STAMBPL1: variants seen among roughly 807,000 people sequenced by gnomAD.
STAMBPL1 encodes AMSH-like protease.
Under a neutral mutation model 52.9 loss-of-function variants are expected in STAMBPL1, and 44 were observed. The ratio of observed to expected loss-of-function variants is 0.83; its 90% confidence interval spans 0.65 to 1.07. The LOEUF (loss-of-function observed/expected upper bound fraction) is 1.07. Ranked by LOEUF, STAMBPL1 falls within the 50% of genes least tolerant of loss-of-function variation. STAMBPL1 has a pLI of 0.00. For missense variants in STAMBPL1, 511 were observed against 520.8 expected, an observed-to-expected ratio of 0.98 and a Z score of 0.18; for synonymous variants, 164 against 177.3, an observed-to-expected ratio of 0.92 and a Z score of 0.60.
chr10:88,922,480 A>G (rs371814726), intron 10 of STAMBPL1, 44 bp downstream of exon 10: 78 of 1,559,498 alleles, frequency 5.0e-5, no homozygotes, highest in Middle Eastern at 3.4e-4. Flanking sequence ...TTTCTTGTTC[A>G]CTGCCCCCCC....
chr10:88,921,194 TA>T (rs139970435), intron 8 of STAMBPL1, 88 bp from the exon 9 acceptor site: 151 of 990,292 alleles, frequency 1.5e-4, no homozygotes, highest in Middle Eastern at 2.2e-4. Flanking sequence ...TGGTAAAAAC[TA>T]AAAAAAAACA....
At chr10:88,886,202 A>G (rs1313213046) in intron 1 of STAMBPL1, among the ~76,000 whole-genome samples, 1 of 152,258 alleles carries the variant, frequency 6.6e-6, no homozygotes, top group Non-Finnish European at 1.5e-5. Flanking sequence ...TCATCTGGGT[A>G]CTAATTTTAC....
intron 1 of STAMBPL1, among the ~76,000 whole-genome samples, chr10:88,886,657 A>T (rs1386865517): frequency 6.6e-6 from 1 of 152,130 alleles, no homozygotes; most frequent in Non-Finnish European, 1.5e-5. Flanking sequence ...GTGTGATTTG[A>T]TGCTTCTCTG....
chr10:88,901,679 T>C lies in STAMBPL1; in HGVS notation c.-30T>C, dbSNP rs184154094. 1.5e-3 allele frequency: 2,485 copies of C among 1,604,330 alleles called. 7 individuals carry two copies. Among genetic ancestry groups the C allele is most frequent in the South Asian group, 2.3e-3 (204 of 89,150 alleles). ...AGATGAAGTGATTGAGAAGAAACAG[T>C]GAACATCCTCATTTCACAGATAAGA... On this transcript the variant is annotated 5_prime_UTR_variant, in exon 2 of 11. Coordinates refer to ENST00000371926, the MANE Select transcript of STAMBPL1 (RefSeq NM_020799.4).
At chr10:88,919,449 T>C (rs930048997) in intron 8 of STAMBPL1, among the ~76,000 whole-genome samples, 4 of 152,166 alleles carry the variant, frequency 2.6e-5, no homozygotes, top group Non-Finnish European at 5.9e-5. Context: ...CATAATTCCT[T>C]TTGGTAGAAA....
At chr10:88,893,193 C>G (rs1299547160) in intron 1 of STAMBPL1, among the ~76,000 whole-genome samples, 5 of 152,148 alleles carry the variant, frequency 3.3e-5, no homozygotes, top group Non-Finnish European at 5.9e-5. Context: ...CTCTCTCCAG[C>G]ACCTCAAATT....
chr10:88,900,138 G>C (rs1007736419), intron 1 of STAMBPL1, among the ~76,000 whole-genome samples: 1 of 152,166 alleles, frequency 6.6e-6, no homozygotes, highest in Non-Finnish European at 1.5e-5. Flanking sequence ...GGAAAGACTG[G>C]AATACAAGAG....
chr10:88,888,128 T>C (rs1286226341), intron 1 of STAMBPL1, among the ~76,000 whole-genome samples: 2 of 152,162 alleles, frequency 1.3e-5, no homozygotes, highest in African/African-American at 4.8e-5. Context: ...AGAGATAATG[T>C]ACATTCTTCT....
chr10:88,903,583 T>TC (rs1844999974), intron 2 of STAMBPL1, among the ~76,000 whole-genome samples: 1 of 152,226 alleles, frequency 6.6e-6, no homozygotes, highest in Non-Finnish European at 1.5e-5. Context: ...TAGAGAACAT[T>TC]CTGATTTTCA....
intron 1 of STAMBPL1, 197 bp from the exon 2 acceptor site, chr10:88,901,459 C>G (rs539118894): frequency 2.8e-6 from 1 of 362,932 alleles, no homozygotes; most frequent in African/African-American, 2.1e-5. Context: ...TTTTAAAGAT[C>G]AGCTTCAGGA....
At chr10:88,919,113 A>G (rs1384855222) in intron 8 of STAMBPL1, among the ~76,000 whole-genome samples, 1 of 152,200 alleles carries the variant, frequency 6.6e-6, no homozygotes, top group South Asian at 2.1e-4. Context: ...TAGTCATAGG[A>G]ATAAAAGGTC....
At chr10:88,899,550 C>A (rs1212838964) in intron 1 of STAMBPL1, among the ~76,000 whole-genome samples, 1 of 152,160 alleles carries the variant, frequency 6.6e-6, no homozygotes, top group Non-Finnish European at 1.5e-5. Flanking sequence ...CGCTCTGTCA[C>A]CCAGGCTAGA....
chr10:88,901,614 C>G (rs1844944607), intron 1 of STAMBPL1, 42 bp from the exon 2 acceptor site: 2 of 1,362,640 alleles, frequency 1.5e-6, no homozygotes, highest in Non-Finnish European at 2.0e-6. Flanking sequence ...AAACTTGGGT[C>G]TCAAAAAATA....
chr10:88,918,687 A>G (rs1438128792), intron 8 of STAMBPL1, among the ~76,000 whole-genome samples: 1 of 152,228 alleles, frequency 6.6e-6, no homozygotes, highest in Non-Finnish European at 1.5e-5. Flanking sequence ...TGATTTCTAT[A>G]AAAAGAATGC....
intron 5 of STAMBPL1, 55 bp downstream of exon 5, chr10:88,911,066 G>T (rs1229323487): frequency 8.3e-7 from 1 of 1,199,076 alleles, no homozygotes; most frequent in East Asian, 2.7e-5. Context: ...AGTATTTTTT[G>T]AATTTCATTT....
intron 1 of STAMBPL1, among the ~76,000 whole-genome samples, chr10:88,900,612 A>G (rs978383907): frequency 1.3e-5 from 2 of 152,210 alleles, no homozygotes; most frequent in Admixed American, 6.5e-5. Context: ...GAACAACCAC[A>G]TGATGTAGGA....
chr10:88,922,517 G>A (rs546277615), intron 10 of STAMBPL1, 81 bp downstream of exon 10: 25 of 1,309,450 alleles, frequency 1.9e-5, no homozygotes, highest in Non-Finnish European at 2.4e-5. Flanking sequence ...AATAGTAGCA[G>A]TCTAATATAA....
Position 88,913,020 on chromosome 10 carries a change from T to C in STAMBPL1, c.421-81T>C, listed in dbSNP as rs554424810. On this transcript the variant is annotated intron_variant, in intron 5 of 10. Transcript: ENST00000371926. ...AGTATCTAGCATTTTCTCTGTCTGC[T>C]TGAAGACTGAAAATGTCTAATTCCA... is the stretch of plus-strand genomic sequence containing the variant. 30 of 1,209,592 alleles carry C rather than the reference T, an allele frequency of 2.5e-5. No individual in the cohort carries two copies. In the South Asian group the frequency reaches 4.1e-4, roughly 17 times the overall value. The allele number at this position is 1,209,592 out of a possible 1,614,324, so 74.9% of individuals were successfully genotyped here.
At chr10:88,889,645 TTA>T (rs1844627560) in intron 1 of STAMBPL1, among the ~76,000 whole-genome samples, 1 of 152,230 alleles carries the variant, frequency 6.6e-6, no homozygotes, top group Non-Finnish European at 1.5e-5. Flanking sequence ...TAAAATAATT[TTA>T]GACTTTCAAA....
Sources: allele counts gnomAD v4.1 joint callset (sites outside exome capture counted in the v4.1 genomes callset), GRCh38; gene constraint gnomAD v4.1.1; transcripts MANE v1.5; gene names NCBI Gene and HGNC (gene_info 2026-07-23, HGNC 2026-07-21).